Variants in MXD3 observed in about 807,000 individuals in gnomAD.
MXD3 encodes MAX dimerization protein 3, also known as Max-associated protein 3.
Under a neutral mutation model 27.5 loss-of-function variants are expected in MXD3, and 20 were observed. The ratio of observed to expected loss-of-function variants is 0.73; its 90% CI spans 0.51 to 1.06. MXD3 has a LOEUF of 1.06. MXD3 is among the 50% of genes least tolerant of loss of function. The probability of loss-of-function intolerance (pLI) is 0.00; values close to 1 mark genes in which losing one functional copy is unlikely to be tolerated. For missense variants in MXD3, 298 were observed against 291.3 expected (o/e 1.02, Z -0.17); for synonymous variants, 150 against 130.7 (o/e 1.15, Z -1.01).
At chr5:177,310,776 A>T in intron 2 of MXD3, 79 bp from the exon 3 acceptor site, 1 of 1,518,358 alleles carries the variant, frequency 6.6e-7, no homozygotes, top group Non-Finnish European at 9.1e-7. Flanking sequence ...CAGTGGCTCA[A>T]GAGCCACTAC....
chr5:177,307,883 C>G lies in MXD3; in HGVS notation c.403G>C (p.Glu135Gln). Reference protein sequence around the residue: ...SKQQSLQRQLEQLRGLAGAAE... With the variant: ...SKQQSLQRQLQQLRGLAGAAE... ...GCCCCTGCCAGCCCCCGGAGCTGCT[C>G]CAGCTGCCGCTGCAGGCTCTGCTGC... The change falls in exon 5 of 6, where the codon GAG becomes CAG. Residue 135 changes from glutamate (E) to glutamine (Q), a missense_variant. Physicochemically the swap from Glu to Gln is conservative, Grantham distance 29. Coordinates refer to ENST00000439742, the MANE Select transcript of MXD3 (RefSeq NM_031300.4). 6.2e-7 allele frequency: 1 copy of G among 1,605,922 alleles called. No homozygotes were observed. The highest frequency in any genetic ancestry group is 8.5e-7 in the Non-Finnish European group (1 of 1,177,006).
chr5:177,308,374 TTTTG>T (rs1760946302), intron 4 of MXD3, among the ~76,000 whole-genome samples: 1 of 151,910 alleles, frequency 6.6e-6, no homozygotes, highest in Admixed American at 6.6e-5. Flanking sequence ...TTCTTTTGTT[TTTTG>T]TTTTTTTTTT....
downstream of MXD3, chr5:177,307,059 G>A (rs769050697): frequency 4.1e-6 from 6 of 1,455,352 alleles, no homozygotes; most frequent in Non-Finnish European, 5.5e-6. Context: ...TCCGTGAAGT[G>A]GAGACAGAAC....
intron 2 of MXD3, 110 bp from the exon 3 acceptor site, chr5:177,310,807 T>A (rs1243212789): frequency 7.8e-7 from 1 of 1,281,650 alleles, no homozygotes; most frequent in Non-Finnish European, 1.1e-6. Context: ...CCCAAACAAG[T>A]CCCCTGTGGA....
At chr5:177,310,609 A>G (rs1581591624) in intron 3 of MXD3, 59 bp downstream of exon 3, 2 of 1,613,392 alleles carry the variant, frequency 1.2e-6, no homozygotes, top group Admixed American at 1.7e-5. Context: ...CAGGGGAGGG[A>G]AGGCCAGAGG....
chr5:177,312,107 A>G, upstream of MXD3: 1 of 1,139,262 alleles, frequency 8.8e-7, no homozygotes, highest in Non-Finnish European at 1.1e-6. Flanking sequence ...CCTGGAGCGA[A>G]CCCTCAGGCT....
downstream of MXD3, chr5:177,305,889 G>A: frequency 6.2e-7 from 1 of 1,614,054 alleles, no homozygotes; most frequent in South Asian, 1.1e-5. Context: ...GGAACGATGT[G>A]TTTACTGTGT....
chr5:177,305,629 T>G, downstream of MXD3: 1 of 522,420 alleles, frequency 1.9e-6, no homozygotes, highest in South Asian at 2.2e-5. Context: ...GAAGGCCCTT[T>G]GTTGATCTCA....
chr5:177,311,653 G>T, intron 1 of MXD3, 108 bp downstream of exon 1: 1 of 1,254,922 alleles, frequency 8.0e-7, no homozygotes, highest in Non-Finnish European at 1.1e-6. Flanking sequence ...GAGGCGCCCC[G>T]GGATTACTGT....
chr5:177,307,180 T>C (rs1760900523), downstream of MXD3: 4 of 1,550,172 alleles, frequency 2.6e-6, no homozygotes, highest in Non-Finnish European at 3.5e-6. Flanking sequence ...AGTTCCCCCG[T>C]TTTCATTAGG....
intron 4 of MXD3, among the ~76,000 whole-genome samples, chr5:177,308,348 T>C (rs551548029): frequency 2.8e-4 from 43 of 152,006 alleles, no homozygotes; most frequent in African/African-American, 1.0e-3. Context: ...GGCCCGGTGT[T>C]ACCAGGTCTC....
rs895679012 is a variant in MXD3, at chr5:177,311,278, C to T, written c.176+101G>A. 9 of 725,898 alleles carry T rather than the reference C, an allele frequency of 1.2e-5. No homozygotes were observed. The African/African-American group carries it at 1.7e-4, about 14-fold the overall frequency. 45.0% of individuals were successfully genotyped at this position (725,898 alleles called of 1,614,324 possible). On this transcript the variant is annotated intron_variant, in intron 2 of 5. Transcript: ENST00000439742. ...GGTCTGAACGCTTCCTGGAGCGGGACACCTGGCCCAAAAGATGCAAGCAAC... is the reference window on the plus strand; with the variant it reads ...GGTCTGAACGCTTCCTGGAGCGGGATACCTGGCCCAAAAGATGCAAGCAAC...
upstream of MXD3, chr5:177,312,001 C>T: frequency 7.8e-7 from 1 of 1,281,164 alleles, no homozygotes; most frequent in Admixed American, 3.8e-5. Context: ...CTCTGGAACC[C>T]GCCACGGAGC....
rs1007785397 is a variant in MXD3, at chr5:177,310,423, C to A, written c.321+3G>T. 3.7e-6 allele frequency: 6 copies of A among 1,609,128 alleles called. No homozygotes were observed. Among genetic ancestry groups the A allele is most frequent in the Non-Finnish European group, 5.1e-6 (6 of 1,178,002 alleles). On this transcript the variant is annotated splice_donor_region_variant and intron_variant, in intron 4 of 5. Transcript: ENST00000439742. ...CCAGTCCGGGCGCAGTGGGGGGCCTCACCTGGATGTGCATCCTGGCACGGC... is the reference window on the plus strand; with the variant it reads ...CCAGTCCGGGCGCAGTGGGGGGCCTAACCTGGATGTGCATCCTGGCACGGC...
At chr5:177,305,705 T>C (rs1760850598), downstream of MXD3, 1 of 628,138 alleles carries the variant, frequency 1.6e-6, no homozygotes, top group Non-Finnish European at 2.8e-6. Flanking sequence ...AAAACGACCT[T>C]ATTTATGGCT....
At chr5:177,308,243 G>A (rs1339722491) in intron 4 of MXD3, among the ~76,000 whole-genome samples, 1 of 152,268 alleles carries the variant, frequency 6.6e-6, no homozygotes, top group African/African-American at 2.4e-5. Flanking sequence ...AAGGACTGGA[G>A]TGCTGTGGCG....
chr5:177,309,946 C>A (rs1760991910), intron 4 of MXD3, among the ~76,000 whole-genome samples: 1 of 152,226 alleles, frequency 6.6e-6, no homozygotes, highest in African/African-American at 2.4e-5. Flanking sequence ...AGTCCTTTCC[C>A]CTCCTGTCCC....
At chr5:177,306,110 G>A (rs1247615986), downstream of MXD3, 3 of 1,613,422 alleles carry the variant, frequency 1.9e-6, no homozygotes, top group East Asian at 6.7e-5. Context: ...ATTTGGTCTT[G>A]CCCGATTCAA....
chr5:177,306,928 CAAT>C (rs1760894559), downstream of MXD3: 1 of 844,488 alleles, frequency 1.2e-6, no homozygotes, highest in East Asian at 2.7e-5. Context: ...AATAGACACT[CAAT>C]AAATACTTGT....
Sources: allele counts gnomAD v4.1 joint callset (sites outside exome capture counted in the v4.1 genomes callset), GRCh38; gene constraint gnomAD v4.1.1; transcripts MANE v1.5; gene names NCBI Gene and HGNC (gene_info 2026-07-23, HGNC 2026-07-21).